The following ZMYM2 variants were observed in gnomAD, a reference collection of about 807,000 sequenced individuals.
The protein encoded by ZMYM2 is zinc finger MYM-type containing 2.
Under a neutral mutation model 162.8 loss-of-function variants are expected in ZMYM2, and 56 were observed. The ratio of observed to expected loss-of-function variants is 0.34; its 90% CI spans 0.28 to 0.43. ZMYM2 has a LOEUF of 0.43. Among genes scored for constraint, ZMYM2 ranks in the 20% least tolerant of loss-of-function variants. The probability of loss-of-function intolerance (pLI) is 1.00; values close to 1 mark genes in which losing one functional copy is unlikely to be tolerated. For synonymous variants in ZMYM2, 510 were observed against 541.6 expected (o/e 0.94, Z 0.81); for missense variants, 1,275 against 1,621.8 (o/e 0.79, Z 3.67).
At chr13:19,947,696 A>AGGC in the ZMYM2 span, among the ~76,000 whole-genome samples, 2 of 90,324 alleles carry the variant, frequency 2.2e-5, no homozygotes, top group East Asian at 5.6e-4. Flanking sequence ...CTAGTCTCGA[A>AGGC]TTGTCTCGAA....
At chr13:19,993,997 G>T in intron 3 of ZMYM2, 78 bp downstream of exon 3, 3 of 1,456,564 alleles carry the variant, frequency 2.1e-6, no homozygotes, top group Non-Finnish European at 2.8e-6. Flanking sequence ...GTAGTAACTG[G>T]TATTACCTTG....
chr13:20,063,013 C>G, intron 18 of ZMYM2, 42 bp downstream of exon 18: 2 of 1,561,116 alleles, frequency 1.3e-6, no homozygotes, highest in Non-Finnish European at 1.7e-6. Context: ...GTTATGGAGT[C>G]AACTGTGGTT....
chr13:19,959,079 C>T (rs940718718), intron 1 of ZMYM2, among the ~76,000 whole-genome samples: 1 of 151,324 alleles, frequency 6.6e-6, no homozygotes, highest in African/African-American at 2.4e-5. Context: ...ATGTCACAGG[C>T]GCCTTTGCGT....
the ZMYM2 span, among the ~76,000 whole-genome samples, chr13:19,916,716 G>A: frequency 6.6e-6 from 1 of 151,058 alleles, no homozygotes; most frequent in Non-Finnish European, 1.5e-5. Flanking sequence ...TTGTCGGGGG[G>A]TGGGGGGCTG....
chr13:20,044,021 A>G (rs1954530511), intron 12 of ZMYM2, among the ~76,000 whole-genome samples: 1 of 152,116 alleles, frequency 6.6e-6, no homozygotes, highest in Admixed American at 6.5e-5. Flanking sequence ...CAAGAGGCCA[A>G]CAGATTAAGG....
At chr13:19,987,350 ACCTCCT>A (rs1467168636) in intron 2 of ZMYM2, among the ~76,000 whole-genome samples, 1 of 151,016 alleles carries the variant, frequency 6.6e-6, no homozygotes, top group African/African-American at 2.4e-5. Context: ...GGCAGAATCC[ACCTCCT>A]TGGTTCAAGC....
chr13:19,908,013 C>T, the ZMYM2 span, among the ~76,000 whole-genome samples: 2 of 151,962 alleles, frequency 1.3e-5, no homozygotes, highest in Non-Finnish European at 2.9e-5. Flanking sequence ...TGCAGCCAGC[C>T]GTGGTGGCTC....
At chr13:19,884,784 A>C in the ZMYM2 span, among the ~76,000 whole-genome samples, 55 of 152,220 alleles carry the variant, frequency 3.6e-4, no homozygotes, top group African/African-American at 7.9e-4. Flanking sequence ...CGCCCCCAAG[A>C]CAGAAAAACA....
In ZMYM2 at chr13:20,031,405, T is replaced by C. The variant is rs1953123933; in HGVS notation, c.1938T>C (p.Phe646=). The C allele has an allele frequency of 6.2e-7, 1 of 1,607,080 alleles. No homozygotes were observed. Among genetic ancestry groups the C allele is most frequent in the South Asian group, 1.1e-5 (1 of 89,688 alleles). ...AATGCAACTACTGCAAAAATTCCTT[T>C]TGTTCAAAACCAGAAATCCTGGAAT... is the stretch of plus-strand genomic sequence containing the variant. ...QLKCNYCKNS[F]CSKPEILEWE... Residue 646 remains phenylalanine (F), a synonymous_variant, in exon 10 of 25, where the codon TTT becomes TTC. Coordinates refer to ENST00000610343, the MANE Select transcript of ZMYM2 (RefSeq NM_197968.4).
rs5802035 is a variant in ZMYM2 at position 19,971,244 on chromosome 13, G to GTGTGTATA, written c.-11+11219_-11+11220insGTGTATAT. Among the ~76,000 whole-genome samples, 156 of 49,996 alleles carry GTGTGTATA rather than the reference G, an allele frequency of 3.1e-3. 1 individual carries two copies. The highest frequency in any genetic ancestry group is 0.011 in the East Asian group (4 of 354). 32.8% of individuals were successfully genotyped at this position (49,996 alleles called of 152,430 possible). ...TTTATATATATGTGTGTGTGTGTGT[G>GTGTGTATA]TATATATATATATATATATTTTTTT... On this transcript the variant is annotated intron_variant, in intron 2 of 24. Coordinates refer to ENST00000610343, the MANE Select transcript of ZMYM2 (RefSeq NM_197968.4).
At chr13:19,885,947 A>ATGTGTGTATACACACATATATGTGTG in the ZMYM2 span, among the ~76,000 whole-genome samples, 2 of 20,874 alleles carry the variant, frequency 9.6e-5, 1 homozygote, top group Non-Finnish European at 1.8e-4. Flanking sequence ...ATATATATGT[A>ATGTGTGTATACACACATATATGTGTG]TATACACATA....
rs147001139 is a variant in ZMYM2 at position 19,996,726 on chromosome 13, A to G, written c.847+2807A>G. 1.1e-3 allele frequency among the ~76,000 whole-genome samples: 173 copies of G among 152,132 alleles called. 1 individual carries two copies. The Middle Eastern group carries it at 0.017, about 15-fold the overall frequency. ...ACTGAGACTCTGTCTCAAAAAACAA[A>G]ACAAAAAAAACTAGCCAGGCATGGT... On this transcript the variant is annotated intron_variant, in intron 3 of 24. Coordinates refer to ENST00000610343, the MANE Select transcript of ZMYM2 (RefSeq NM_197968.4).
Position 19,960,348 on chromosome 13 carries a change from A to C in ZMYM2, c.-11+322A>C, listed in dbSNP as rs567538033. On this transcript the variant is annotated intron_variant, in intron 2 of 24. Transcript: ENST00000610343. The stretch of plus-strand genomic sequence containing the variant: ...ATTTCTGGTGCCCTCTAGAGTTCCA[A>C]AATGGGAATTAAAGTTATTTCTTGT... Among the ~76,000 whole-genome samples the C allele has an allele frequency of 2.6e-5, 4 of 152,366 alleles. No individual in the cohort carries two copies. The South Asian group carries it at 8.3e-4, about 32-fold the overall frequency.
chr13:20,019,895 C>CA (rs1224705467), intron 7 of ZMYM2: 2 of 246,744 alleles, frequency 8.1e-6, no homozygotes, highest in Non-Finnish European at 1.6e-5. Context: ...ACCTTGTACA[C>CA]AGTAGGCATT....
intron 2 of ZMYM2, among the ~76,000 whole-genome samples, chr13:19,962,562 T>G (rs1264225135): frequency 7.0e-6 from 1 of 143,530 alleles, no homozygotes; most frequent in African/African-American, 2.6e-5. Context: ...TTCACTCTTG[T>G]TGCCCAGGCT....
At chr13:19,954,471 A>G (rs916746806), upstream of ZMYM2, among the ~76,000 whole-genome samples, 1 of 152,060 alleles carries the variant, frequency 6.6e-6, no homozygotes, top group Non-Finnish European at 1.5e-5. Flanking sequence ...GAATGAAGAG[A>G]AAGCTATCTA....
At chr13:19,973,135 C>T (rs1009500279) in intron 2 of ZMYM2, among the ~76,000 whole-genome samples, 2 of 151,762 alleles carry the variant, frequency 1.3e-5, no homozygotes, top group African/African-American at 2.4e-5. Context: ...TGGGGTTTCA[C>T]TGTGTTGGCC....
At chr13:19,885,907 A>ATGTG in the ZMYM2 span, among the ~76,000 whole-genome samples, 34 of 30,270 alleles carry the variant, frequency 1.1e-3, 9 homozygotes, top group East Asian at 3.3e-3. Context: ...ACACATATAT[A>ATGTG]TGTATATACA....
chr13:19,957,004 A>G (rs1954560862), upstream of ZMYM2, among the ~76,000 whole-genome samples: 1 of 152,240 alleles, frequency 6.6e-6, no homozygotes, highest in Admixed American at 6.5e-5. Flanking sequence ...ATTTAAAACT[A>G]AAAAATTTTA....
Sources: allele counts gnomAD v4.1 joint callset (sites outside exome capture counted in the v4.1 genomes callset), GRCh38; gene constraint gnomAD v4.1.1; transcripts MANE v1.5; gene names NCBI Gene and HGNC (gene_info 2026-07-23, HGNC 2026-07-21).